ZRANB1: variants seen among roughly 807,000 people sequenced by gnomAD.
ZRANB1 encodes the protein ubiquitin thioesterase ZRANB1.
In ZRANB1, 16 loss-of-function variants were observed where a neutral mutation model predicts 80.5. The ratio of observed to expected loss-of-function variants is 0.20; its 90% confidence interval spans 0.13 to 0.30. The LOEUF (loss-of-function observed/expected upper bound fraction) is 0.30, where lower values mean the gene tolerates loss of function less well. ZRANB1 is among the 10% of genes least tolerant of loss of function. ZRANB1 has a pLI of 1.00. For missense variants in ZRANB1, 576 were observed against 862.6 expected, an observed-to-expected ratio of 0.67 and a Z score of 4.16; for synonymous variants, 291 against 293.1, an observed-to-expected ratio of 0.99 and a Z score of 0.07.
In ZRANB1 at chr10:124,943,003, T is replaced by C. The variant is rs141189013; in HGVS notation, c.510T>C (p.Val170=). Residue 170 remains valine (V), a synonymous_variant, in exon 1 of 9, where the codon GTT becomes GTC. Transcript: ENST00000359653. The part of the protein sequence containing the change: ...YENWAKAKRC[V]VCDHPRPNNI... ...ACTGGGCCAAGGCTAAAAGATGTGT[T>C]GTTTGTGATCATCCCAGACCTAATA... 6.2e-7 allele frequency: 1 copy of C among 1,614,248 alleles called. No homozygotes were observed. Among genetic ancestry groups the C allele is most frequent in the Non-Finnish European group, 8.5e-7 (1 of 1,180,040 alleles).
chr10:124,933,592 T>G, the ZRANB1 span, among the ~76,000 whole-genome samples: 31 of 152,362 alleles, frequency 2.0e-4, no homozygotes, highest in East Asian at 1.5e-3. Context: ...CCAGTTAGAT[T>G]GCAGGTTCTC....
Position 124,981,392 on chromosome 10 carries a change from CTTTTTT to C in ZRANB1, c.1428-305_1428-300del, listed in dbSNP as rs71029230. 5 of 160,048 alleles carry C rather than the reference CTTTTTT, an allele frequency of 3.1e-5. No individual in the cohort carries two copies. The South Asian group carries it at 5.8e-4, about 19-fold the overall frequency. 9.9% of individuals were successfully genotyped at this position (160,048 alleles called of 1,614,324 possible). A position where few individuals can be genotyped will look rare whatever the true frequency, so the allele number is the denominator to read the frequency against. On this transcript the variant is annotated intron_variant, in intron 5 of 8. Coordinates refer to ENST00000359653, the MANE Select transcript of ZRANB1 (RefSeq NM_017580.3). ...TCTTTGTATACAACATTTCAGATGA[CTTTTTT>C]TTTTTTTTTTTGTAAACTAATTGTG...
At chr10:124,925,161 C>T in the ZRANB1 span, among the ~76,000 whole-genome samples, 9 of 152,120 alleles carry the variant, frequency 5.9e-5, no homozygotes, top group Non-Finnish European at 8.8e-5. Flanking sequence ...CCACCCGCCT[C>T]GGCCTCCCAA....
chr10:124,945,691 T>A (rs978778363), intron 1 of ZRANB1: 11 of 152,230 alleles, frequency 7.2e-5, no homozygotes, highest in African/African-American at 1.9e-4. Context: ...ACAAGTTAGA[T>A]GAATCAACAT....
the ZRANB1 span, among the ~76,000 whole-genome samples, chr10:124,920,386 A>G: frequency 6.6e-6 from 1 of 152,078 alleles, no homozygotes; most frequent in Non-Finnish European, 1.5e-5. Context: ...ACATTTGAAC[A>G]CTCTTACCTC....
Position 124,985,144 on chromosome 10 carries a change from T to G in ZRANB1, c.*152T>G. 1 of 606,022 alleles carries G rather than the reference T, an allele frequency of 1.7e-6. No individual in the cohort carries two copies. The highest frequency in any genetic ancestry group is 2.9e-6 in the Non-Finnish European group (1 of 346,418). The allele number at this position is 606,022 out of a possible 1,614,324, so 37.5% of individuals were successfully genotyped here. A position where few individuals can be genotyped will look rare whatever the true frequency, so the allele number is the denominator to read the frequency against. Reference sequence around the variant, plus strand: ...GTTTTCCTGGACCACACACACCTTATGGAGATAATGCCTCTGCTGCGTGAG... The same window carrying G: ...GTTTTCCTGGACCACACACACCTTAGGGAGATAATGCCTCTGCTGCGTGAG... On this transcript the variant is annotated 3_prime_UTR_variant, in exon 9 of 9. Transcript: ENST00000359653.
At chr10:124,921,466 A>AT in the ZRANB1 span, among the ~76,000 whole-genome samples, 2 of 152,232 alleles carry the variant, frequency 1.3e-5, no homozygotes, top group Non-Finnish European at 2.9e-5. Context: ...ATGCTGATGC[A>AT]TTTGGAAAAT....
At chr10:124,929,375 G>T in the ZRANB1 span, among the ~76,000 whole-genome samples, 2 of 147,408 alleles carry the variant, frequency 1.4e-5, no homozygotes, top group African/African-American at 5.0e-5. Context: ...AGTCTCTGTT[G>T]CCCAGGCTGG....
At chr10:124,970,220 A>G (rs557881618) in intron 2 of ZRANB1, among the ~76,000 whole-genome samples, 1 of 152,284 alleles carries the variant, frequency 6.6e-6, no homozygotes, top group South Asian at 2.1e-4. Context: ...ATCTTGGCCA[A>G]TAAAGTCTAG....
chr10:124,951,443 A>T (rs558309459), intron 1 of ZRANB1, among the ~76,000 whole-genome samples: 185 of 152,358 alleles, frequency 1.2e-3, no homozygotes, highest in Non-Finnish European at 2.0e-3. Flanking sequence ...GGAAAAGGAA[A>T]TCCTTGCATT....
At chr10:124,982,925 A>C (rs1043468578) in intron 6 of ZRANB1, among the ~76,000 whole-genome samples, 2 of 152,216 alleles carry the variant, frequency 1.3e-5, no homozygotes, top group Non-Finnish European at 2.9e-5. Context: ...GGGATATTTC[A>C]AAGTATGTAT....
upstream of ZRANB1, among the ~76,000 whole-genome samples, chr10:124,941,650 A>G (rs1042941485): frequency 6.6e-6 from 1 of 152,162 alleles, no homozygotes; most frequent in Admixed American, 6.6e-5. Context: ...GCCCCCGGCC[A>G]TGAATTAGAT....
chr10:124,942,185 A>T lies in ZRANB1; in HGVS notation c.-309A>T. ...GCTTCCCGTTAATCTCATCCTTCTT[A>T]GATCAAACCTCGTTATATCTCCTGC... On this transcript the variant is annotated 5_prime_UTR_variant, in exon 1 of 9. Coordinates refer to ENST00000359653, the MANE Select transcript of ZRANB1 (RefSeq NM_017580.3). 2.6e-6 allele frequency: 3 copies of T among 1,157,348 alleles called. No homozygotes were observed. Among genetic ancestry groups the T allele is most frequent in the Non-Finnish European group, 3.2e-6 (3 of 936,770 alleles). The allele number at this position is 1,157,348 out of a possible 1,614,324, so 71.7% of individuals were successfully genotyped here.
At chr10:124,946,657 T>C (rs1240522440) in intron 1 of ZRANB1, among the ~76,000 whole-genome samples, 1 of 152,204 alleles carries the variant, frequency 6.6e-6, no homozygotes, top group East Asian at 1.9e-4. Flanking sequence ...CATTCTGAAC[T>C]GTTATACGTA....
the ZRANB1 span, among the ~76,000 whole-genome samples, chr10:124,917,704 C>T: frequency 6.6e-6 from 1 of 152,192 alleles, no homozygotes; most frequent in African/African-American, 2.4e-5. Context: ...TATTTCAGTC[C>T]CTCGGCCGCT....
At chr10:124,975,293 C>T (rs1263887795) in intron 5 of ZRANB1, among the ~76,000 whole-genome samples, 1 of 152,166 alleles carries the variant, frequency 6.6e-6, no homozygotes, top group Non-Finnish European at 1.5e-5. Context: ...CATTTTGCCA[C>T]ACCTGCTCCA....
upstream of ZRANB1, among the ~76,000 whole-genome samples, chr10:124,938,858 G>A (rs1459080835): frequency 3.9e-5 from 6 of 151,958 alleles, no homozygotes; most frequent in Non-Finnish European, 7.4e-5. Context: ...AGGCACAGGC[G>A]ACTGCACCTG....
intron 5 of ZRANB1, among the ~76,000 whole-genome samples, chr10:124,975,186 T>G (rs1951865703): frequency 6.6e-6 from 1 of 152,108 alleles, no homozygotes; most frequent in Non-Finnish European, 1.5e-5. Context: ...AAGATCACAT[T>G]TTTTATTTTG....
intron 3 of ZRANB1, among the ~76,000 whole-genome samples, chr10:124,973,418 A>C (rs528045313): frequency 6.6e-6 from 1 of 152,332 alleles, no homozygotes; most frequent in South Asian, 2.1e-4. Context: ...CAGCCTCCCA[A>C]AGTGCTGGAA....
Sources: allele counts gnomAD v4.1 joint callset (sites outside exome capture counted in the v4.1 genomes callset), GRCh38; gene constraint gnomAD v4.1.1; transcripts MANE v1.5; gene names NCBI Gene and HGNC (gene_info 2026-07-23, HGNC 2026-07-21).